The following DEAF1 variants were observed in gnomAD, a reference collection of about 807,000 sequenced individuals.
DEAF1 encodes the protein deformed epidermal autoregulatory factor 1 homolog.
In DEAF1, 53 loss-of-function variants were observed where a neutral mutation model predicts 58.9. The ratio of observed to expected loss-of-function variants is 0.90; its 90% confidence interval spans 0.72 to 1.13. DEAF1 has a LOEUF of 1.13. DEAF1 is among the 50% of genes most tolerant of loss of function. The pLI is 0.00. For missense variants in DEAF1, 685 were observed against 791.4 expected, an observed-to-expected ratio of 0.87 and a Z score of 1.61; for synonymous variants, 385 against 340.4, an observed-to-expected ratio of 1.13 and a Z score of -1.44.
At chr11:701,095 C>G (rs1468729828) in intron 1 of DEAF1, 1 of 238,870 alleles carries the variant, frequency 4.2e-6, no homozygotes, top group Non-Finnish European at 8.4e-6. Flanking sequence ...TCTGCCAGGT[C>G]CCAAAAGGCA....
chr11:695,381 C>T (rs967544460), upstream of DEAF1: 30 of 418,748 alleles, frequency 7.2e-5, no homozygotes, highest in African/African-American at 5.1e-4. Flanking sequence ...CTCACGAGGG[C>T]TTCCGAGAGA....
rs1322831139 is a variant in DEAF1 at position 673,505 on chromosome 11, G to A, written c.1503+1031C>T. ...ATTGTGCCACTGCATTCTAGCCTGG[G>A]CGACAGAGTGACAGCCTGTTCCACA... is the stretch of plus-strand genomic sequence containing the variant. On this transcript the variant is annotated intron_variant, in intron 10 of 11. Transcript: ENST00000382409. 3.3e-5 allele frequency among the ~76,000 whole-genome samples: 5 copies of A among 152,226 alleles called. No homozygotes were observed. The East Asian group carries it at 9.6e-4, about 29-fold the overall frequency.
chr11:675,875 T>C (rs568256299), intron 9 of DEAF1, among the ~76,000 whole-genome samples: 2 of 151,628 alleles, frequency 1.3e-5, no homozygotes, highest in East Asian at 3.9e-4. Flanking sequence ...GGTAAAAAAC[T>C]GACCAGCAAA....
At chr11:653,903 G>A (rs1182088900) in intron 11 of DEAF1, 59 bp downstream of exon 11, 3 of 1,508,876 alleles carry the variant, frequency 2.0e-6, no homozygotes, top group East Asian at 2.3e-5. Flanking sequence ...GGGCCACCCA[G>A]GGGTCTTCGT....
At chr11:670,786 T>G (rs1859784977) in intron 10 of DEAF1, among the ~76,000 whole-genome samples, 1 of 146,762 alleles carries the variant, frequency 6.8e-6, no homozygotes, top group Admixed American at 6.7e-5. Context: ...TGTTTTTTTT[T>G]TTTTTTTTTG....
rs976386207 is a variant in DEAF1 at position 691,373 on chromosome 11, T to C, written c.387+128A>G. 10 of 847,098 alleles carry C rather than the reference T, an allele frequency of 1.2e-5. No individual in the cohort carries two copies. In the African/African-American group the frequency reaches 1.3e-4, roughly 11 times the overall value. 52.5% of individuals were successfully genotyped at this position (847,098 alleles called of 1,614,324 possible). A position where few individuals can be genotyped will look rare whatever the true frequency, so the allele number is the denominator to read the frequency against. ...GGCCTCTGAGAGCAGAGCGAGCCAGTGCGTCCCTCCCCAGCTCACAGAGCA... is the reference window on the plus strand; with the variant it reads ...GGCCTCTGAGAGCAGAGCGAGCCAGCGCGTCCCTCCCCAGCTCACAGAGCA... On this transcript the variant is annotated intron_variant, in intron 2 of 11. Coordinates refer to ENST00000382409, the MANE Select transcript of DEAF1 (RefSeq NM_021008.4).
intron 10 of DEAF1, among the ~76,000 whole-genome samples, chr11:654,310 G>A (rs1002099420): frequency 6.6e-6 from 1 of 150,970 alleles, no homozygotes; most frequent in Non-Finnish European, 1.5e-5. Context: ...GGGATGATAG[G>A]TGCCTGACAC....
intron 10 of DEAF1, among the ~76,000 whole-genome samples, chr11:661,238 C>T (rs1294659829): frequency 2.6e-5 from 4 of 152,156 alleles, no homozygotes; most frequent in Non-Finnish European, 4.4e-5. Context: ...TGCAGCCACT[C>T]GGCTGGCTTC....
At chr11:701,050 G>T in intron 1 of DEAF1, 1 of 360,212 alleles carries the variant, frequency 2.8e-6, no homozygotes. Flanking sequence ...CCTTCCCCTT[G>T]CCCTTAGCTG....
chr11:658,083 G>T (rs908618521), intron 10 of DEAF1, among the ~76,000 whole-genome samples: 1 of 152,172 alleles, frequency 6.6e-6, no homozygotes, highest in Non-Finnish European at 1.5e-5. Context: ...CGCTCACTTT[G>T]CAACTTTTCT....
chr11:647,695 C>T (rs1858563992), intron 11 of DEAF1, among the ~76,000 whole-genome samples: 1 of 152,142 alleles, frequency 6.6e-6, no homozygotes, highest in East Asian at 1.9e-4. Flanking sequence ...CAGGTGAGGG[C>T]GACGGGCCTC....
At chr11:695,546 C>T, upstream of DEAF1, 1 of 1,197,234 alleles carries the variant, frequency 8.4e-7, no homozygotes. Flanking sequence ...CCGTTCCCGC[C>T]GCCGGCGGAA....
intron 1 of DEAF1, among the ~76,000 whole-genome samples, chr11:701,450 G>A (rs533994047): frequency 3.6e-4 from 45 of 124,124 alleles, no homozygotes; most frequent in African/African-American, 9.5e-4. Context: ...TCGCTCTGTC[G>A]CCCAGGCTGG....
At chr11:671,662 AG>A (rs1859828632) in intron 10 of DEAF1, among the ~76,000 whole-genome samples, 1 of 150,152 alleles carries the variant, frequency 6.7e-6, no homozygotes, top group East Asian at 2.0e-4. Flanking sequence ...TCTTGAGCCC[AG>A]GAGTTTGAGA....
chr11:658,309 C>G (rs1213858390), intron 10 of DEAF1, among the ~76,000 whole-genome samples: 1 of 152,108 alleles, frequency 6.6e-6, no homozygotes, highest in Non-Finnish European at 1.5e-5. Flanking sequence ...GGTGCCTGTA[C>G]TCCCGGCTAC....
chr11:675,435 G>A (rs576433154), intron 9 of DEAF1, among the ~76,000 whole-genome samples: 68 of 152,260 alleles, frequency 4.5e-4, no homozygotes, highest in African/African-American at 1.6e-3. Context: ...AAGCTGAGGC[G>A]GGAGGATGGT....
At chr11:652,858 T>C (rs560949752) in intron 11 of DEAF1, among the ~76,000 whole-genome samples, 10 of 151,826 alleles carry the variant, frequency 6.6e-5, no homozygotes, top group Non-Finnish European at 1.3e-4. Flanking sequence ...CCAAGGTGGG[T>C]GGATCACCTG....
chr11:688,080 A>C lies in DEAF1; in HGVS notation c.518-23T>G, dbSNP rs759246148. On this transcript the variant is annotated intron_variant, in intron 3 of 11. Coordinates refer to ENST00000382409, the MANE Select transcript of DEAF1 (RefSeq NM_021008.4). The surrounding 1 kb of genome is among the most constrained non-coding windows in gnomAD (Gnocchi z 4.3). ...GACCTTGGGCAGAGAAAGTGTTTGA[A>C]GGTGAGAGGCCGGACACCGGGAAGC... The C allele has an allele frequency of 1.3e-5, 21 of 1,613,810 alleles. No homozygotes were observed. Among genetic ancestry groups the C allele is most frequent in the Admixed American group, 1.7e-5 (1 of 60,014 alleles).
At chr11:680,396 A>G (rs553262980) in intron 7 of DEAF1, among the ~76,000 whole-genome samples, 2 of 152,286 alleles carry the variant, frequency 1.3e-5, no homozygotes, top group Admixed American at 1.3e-4. Flanking sequence ...GCCTATTACA[A>G]AGACATTTTC....
Sources: gnomAD v4.1 joint callset for allele counts (sites outside exome capture counted in the v4.1 genomes callset) on GRCh38, gnomAD v4.1.1 for gene constraint, Gnocchi (gnomAD v3.1) non-coding constraint, MANE v1.5 for transcripts, NCBI Gene and HGNC (gene_info 2026-07-23, HGNC 2026-07-21) for gene names.